Variants in IFT57 observed in about 807,000 individuals in gnomAD.
IFT57 encodes intraflagellar transport protein 57 homolog.
A neutral mutation model predicts 56.8 loss-of-function variants in IFT57; 59 were observed. That is an observed-to-expected ratio of 1.04 (90% CI 0.84 to 1.29). The LOEUF is 1.29. Among genes scored for constraint, IFT57 ranks in the 50% most tolerant of loss-of-function variants. IFT57 has a pLI of 0.00. For missense variants in IFT57, 470 were observed against 522.1 expected (o/e 0.90, Z 0.97); for synonymous variants, 209 against 186.1 (o/e 1.12, Z -1.00).
At chr3:108,208,537 C>T (rs115656419) in intron 4 of IFT57, among the ~76,000 whole-genome samples, 44 of 152,236 alleles carry the variant, frequency 2.9e-4, no homozygotes, top group African/African-American at 1.1e-3. Flanking sequence ...GCTGTTTCTC[C>T]TACAGCCAGG....
In IFT57 at chr3:108,219,591, G is replaced by T; in HGVS notation, c.213-19C>A. 2 of 1,610,682 alleles carry T rather than the reference G, an allele frequency of 1.2e-6. No homozygotes were observed. Among genetic ancestry groups the T allele is most frequent in the Non-Finnish European group, 1.7e-6 (2 of 1,177,100 alleles). ...ATAGTGTCTGTTTCAAAACAAGGAG[G>T]AATGGGGGCGGATGTGAAATAATGC... is the stretch of plus-strand genomic sequence containing the variant. On this transcript the variant is annotated intron_variant, in intron 1 of 10. Coordinates refer to ENST00000264538, the MANE Select transcript of IFT57 (RefSeq NM_018010.4).
At chr3:108,167,200 T>C in intron 7 of IFT57, 1 of 483,670 alleles carries the variant, frequency 2.1e-6, no homozygotes. Flanking sequence ...CCTGGCAGTG[T>C]TAGTCAATTC....
chr3:108,185,006 A>G (rs2108315214), intron 6 of IFT57, among the ~76,000 whole-genome samples: 1 of 152,278 alleles, frequency 6.6e-6, no homozygotes, highest in African/African-American at 2.4e-5. Flanking sequence ...TGTACTGTAG[A>G]TTGAGGTCTG....
At position 108,222,288 on chromosome 3, in the gene IFT57, C is replaced by T; in HGVS notation, c.35G>A (p.Gly12Asp). 2 of 1,613,572 alleles carry T rather than the reference C, an allele frequency of 1.2e-6. No individual in the cohort carries two copies. Among genetic ancestry groups the T allele is most frequent in the Non-Finnish European group, 1.7e-6 (2 of 1,179,800 alleles). Reference protein sequence around the residue: ...TAALAVVTTSGLEDGVPRSRG... With the variant: ...TAALAVVTTSDLEDGVPRSRG... The stretch of plus-strand genomic sequence containing the variant: ...GGACCTAGGCACCCCATCTTCCAAA[C>T]CCGACGTCGTGACGACGGCCAGAGC... The change falls in exon 1 of 11, where the codon GGT (glycine) becomes GAT (aspartate). Residue 12 changes from glycine (G) to aspartate (D), a missense_variant. Transcript: ENST00000264538.
intron 3 of IFT57, among the ~76,000 whole-genome samples, chr3:108,214,421 G>T (rs1304479618): frequency 6.6e-6 from 1 of 152,072 alleles, no homozygotes; most frequent in Admixed American, 6.5e-5. Context: ...ATATTGCAAA[G>T]ATCATCTTTG....
At position 108,162,580 on chromosome 3, in the gene IFT57, A is replaced by G. The variant is rs375757410; in HGVS notation, c.1187T>C (p.Ile396Thr). Reference sequence around the variant, plus strand: ...TGATTGGAGTAGTGTGTGTTCCACAATGCCAATTCTAATGTCCATCTCTAC... The same window carrying G: ...TGATTGGAGTAGTGTGTGTTCCACAGTGCCAATTCTAATGTCCATCTCTAC... ...ETVEMDIRIG[I>T]VEHTLLQSKL... is the part of the protein sequence containing the mutation. The change falls in exon 11 of 11, where the codon ATT (isoleucine) becomes ACT (threonine). Residue 396 changes from isoleucine to threonine, a missense_variant. Transcript: ENST00000264538. 1.2e-6 allele frequency: 2 copies of G among 1,613,178 alleles called. No homozygotes were observed. The highest frequency in any genetic ancestry group is 1.7e-6 in the Non-Finnish European group (2 of 1,179,388).
intron 6 of IFT57, among the ~76,000 whole-genome samples, chr3:108,190,453 A>C (rs1413795766): frequency 6.6e-6 from 1 of 152,172 alleles, no homozygotes; most frequent in Non-Finnish European, 1.5e-5. Context: ...AGTTCTCACA[A>C]GATCTGATGG....
Position 108,188,753 on chromosome 3 carries a change from G to C in IFT57, c.777+2768C>G, listed in dbSNP as rs144137968. On this transcript the variant is annotated intron_variant, in intron 6 of 10. Transcript: ENST00000264538. ...TTAAAAACTCAGGATTTTGATGATGGCAATACTGGTCTGTTATAGAATTTG... is the reference window on the plus strand; with the variant it reads ...TTAAAAACTCAGGATTTTGATGATGCCAATACTGGTCTGTTATAGAATTTG... 4.0e-3 allele frequency among the ~76,000 whole-genome samples: 613 copies of C among 152,228 alleles called. 3 individuals are homozygous for C. The highest frequency in any genetic ancestry group is 0.014 in the African/African-American group (578 of 41,542).
intron 3 of IFT57, 77 bp downstream of exon 3, chr3:108,218,458 C>T: frequency 3.5e-6 from 2 of 566,014 alleles, no homozygotes; most frequent in Non-Finnish European, 6.2e-6. Flanking sequence ...CTTTTATGTT[C>T]AATTGAACAG....
chr3:108,168,425 T>C (rs1056519267), intron 6 of IFT57, among the ~76,000 whole-genome samples: 4 of 152,006 alleles, frequency 2.6e-5, no homozygotes, highest in Admixed American at 2.0e-4. Flanking sequence ...TACATCAACA[T>C]TTTAATTTCC....
chr3:108,219,600 C>A (rs550669397), intron 1 of IFT57, 28 bp from the exon 2 acceptor site: 2 of 1,605,578 alleles, frequency 1.2e-6, no homozygotes, highest in African/African-American at 1.3e-5. Flanking sequence ...GGAATGGGGG[C>A]GGATGTGAAA....
At chr3:108,176,216 C>T (rs957560620) in intron 6 of IFT57, among the ~76,000 whole-genome samples, 8 of 151,824 alleles carry the variant, frequency 5.3e-5, no homozygotes, top group Non-Finnish European at 1.0e-4. Flanking sequence ...AGGGCGCTTA[C>T]GGCTCCATTT....
chr3:108,169,084 T>C (rs1176013154), intron 6 of IFT57, among the ~76,000 whole-genome samples: 1 of 152,048 alleles, frequency 6.6e-6, no homozygotes, highest in East Asian at 1.9e-4. Flanking sequence ...TCTTCCACAA[T>C]GGTTGAACTA....
chr3:108,191,522 T>A lies in IFT57; in HGVS notation c.776A>T (p.Lys259Met). The change falls in exon 6 of 11, where the codon AAG (lysine) becomes ATG (methionine). Residue 259 changes from lysine to methionine, a missense_variant and splice_region_variant. Coordinates refer to ENST00000264538, the MANE Select transcript of IFT57 (RefSeq NM_018010.4). ...GAAAATGTGTTCCCACTTTGATACC[T>A]TATTGTCAGTCCTAATCGTGACTTT... The part of the protein sequence containing the change: ...QLKVTIRTDN[K>M]DWRIHVDQMH... 6.3e-7 allele frequency: 1 copy of A among 1,585,270 alleles called. No individual in the cohort carries two copies. The highest frequency in any genetic ancestry group is 8.6e-7 in the Non-Finnish European group (1 of 1,167,866).
At chr3:108,204,261 A>T (rs2080297152) in intron 5 of IFT57, among the ~76,000 whole-genome samples, 1 of 151,988 alleles carries the variant, frequency 6.6e-6, no homozygotes, top group Non-Finnish European at 1.5e-5. Flanking sequence ...CCTGGTGTTC[A>T]CTCTTCTTCC....
At chr3:108,167,629 T>C (rs1313989383) in intron 7 of IFT57, among the ~76,000 whole-genome samples, 164 bp downstream of exon 7, 1 of 151,134 alleles carries the variant, frequency 6.6e-6, no homozygotes, top group Non-Finnish European at 1.5e-5. Context: ...TAGCTTTCTT[T>C]AGTTGGTTTA....
At chr3:108,218,334 A>G (rs2080384865) in intron 3 of IFT57, 2 of 368,802 alleles carry the variant, frequency 5.4e-6, no homozygotes, top group African/African-American at 2.1e-5. Flanking sequence ...AATAATATGT[A>G]ACACATTACT....
intron 5 of IFT57, among the ~76,000 whole-genome samples, chr3:108,196,037 T>C (rs775530449): frequency 1.3e-5 from 2 of 152,136 alleles, no homozygotes; most frequent in Non-Finnish European, 2.9e-5. Flanking sequence ...CTTGAGGTGA[T>C]TGATAGCCCA....
chr3:108,177,659 T>G (rs974753409), intron 6 of IFT57, among the ~76,000 whole-genome samples: 6 of 151,758 alleles, frequency 4.0e-5, no homozygotes, highest in Non-Finnish European at 8.8e-5. Flanking sequence ...AAATTTAATG[T>G]CCTTTCATGA....
Sources: gnomAD v4.1 joint callset for allele counts (sites outside exome capture counted in the v4.1 genomes callset) on GRCh38, gnomAD v4.1.1 for gene constraint, MANE v1.5 for transcripts, NCBI Gene and HGNC (gene_info 2026-07-23, HGNC 2026-07-21) for gene names.